NKAIN2: variants seen among roughly 807,000 people sequenced by gnomAD.
The protein encoded by NKAIN2 is sodium/potassium-transporting ATPase subunit beta-1-interacting protein 2.
Under a neutral mutation model 32.6 loss-of-function variants are expected in NKAIN2, and 14 were observed. The observed-to-expected ratio is 0.43, with a 90% CI of 0.28 to 0.67. The LOEUF (loss-of-function observed/expected upper bound fraction) is 0.67, where lower values mean the gene tolerates loss of function less well. NKAIN2 is among the 30% of genes least tolerant of loss of function. The pLI is 0.17. For synonymous variants in NKAIN2, 80 were observed against 87.2 expected (o/e 0.92, Z 0.46); for missense variants, 198 against 258.3 (o/e 0.77, Z 1.60).
At chr6:124,511,491 A>C (rs1656799876) in intron 3 of NKAIN2, among the ~76,000 whole-genome samples, 2 of 151,944 alleles carry the variant, frequency 1.3e-5, no homozygotes, top group African/African-American at 4.8e-5. Flanking sequence ...CCCTTTATCG[A>C]GTTTGTCTTC....
At chr6:124,299,317 C>T (rs946142267) in intron 2 of NKAIN2, among the ~76,000 whole-genome samples, 24 of 152,182 alleles carry the variant, frequency 1.6e-4, no homozygotes, top group African/African-American at 5.5e-4. Context: ...TAGATTTATA[C>T]GAATTGCCTA....
intron 3 of NKAIN2, among the ~76,000 whole-genome samples, chr6:124,366,811 T>A (rs1325505555): frequency 6.6e-6 from 1 of 151,704 alleles, no homozygotes; most frequent in Non-Finnish European, 1.5e-5. Flanking sequence ...ACCTGTATTC[T>A]TAGCTACTCA....
chr6:124,016,560 C>T (rs942535543), intron 1 of NKAIN2, among the ~76,000 whole-genome samples: 3 of 152,074 alleles, frequency 2.0e-5, no homozygotes, highest in African/African-American at 7.2e-5. Flanking sequence ...AGTTTTCTCC[C>T]CTCAAGGAAT....
At chr6:124,591,999 G>C (rs1401092185) in intron 3 of NKAIN2, among the ~76,000 whole-genome samples, 1 of 152,152 alleles carries the variant, frequency 6.6e-6, no homozygotes, top group African/African-American at 2.4e-5. Context: ...AGTTAATAAA[G>C]AGTAAAGTTA....
rs540820578 is a variant in NKAIN2 at position 124,602,319 on chromosome 6, T to C, written c.274-55867T>C. The stretch of plus-strand genomic sequence containing the variant: ...AACTCATCTTATAGCATTTTTTACA[T>C]GAAAGTCCCATTTGTATTTTGTATT... On this transcript the variant is annotated intron_variant, in intron 3 of 6. Transcript: ENST00000368417. Among the ~76,000 whole-genome samples the C allele has an allele frequency of 1.3e-4, 20 of 152,144 alleles. No individual in the cohort carries two copies. The South Asian group carries it at 3.5e-3, about 27-fold the overall frequency.
intron 1 of NKAIN2, among the ~76,000 whole-genome samples, chr6:124,004,481 AT>A (rs536401337): frequency 6.6e-6 from 1 of 152,026 alleles, no homozygotes; most frequent in Non-Finnish European, 1.5e-5. Context: ...GGGAGAGGAA[AT>A]GAAATAACTG....
At chr6:124,448,485 T>C (rs1307549348) in intron 3 of NKAIN2, among the ~76,000 whole-genome samples, 1 of 152,160 alleles carries the variant, frequency 6.6e-6, no homozygotes, top group Non-Finnish European at 1.5e-5. Context: ...GCCCTATCTC[T>C]AGCCTCTACA....
intron 1 of NKAIN2, among the ~76,000 whole-genome samples, chr6:123,809,097 C>A (rs956525110): frequency 2.0e-5 from 3 of 152,024 alleles, no homozygotes; most frequent in Admixed American, 2.0e-4. Flanking sequence ...GTGCAGTATA[C>A]TTTTTTCATA....
At chr6:124,507,522 C>A (rs1466487114) in intron 3 of NKAIN2, among the ~76,000 whole-genome samples, 1 of 152,114 alleles carries the variant, frequency 6.6e-6, no homozygotes, top group Non-Finnish European at 1.5e-5. Flanking sequence ...GCGTATCCAT[C>A]TTTAATTGCA....
At chr6:124,725,520 C>T (rs530116760) in intron 4 of NKAIN2, among the ~76,000 whole-genome samples, 5 of 152,214 alleles carry the variant, frequency 3.3e-5, no homozygotes, top group Middle Eastern at 6.8e-3. Flanking sequence ...TTAGTTTTTC[C>T]TGTCTTCCCA....
At chr6:124,610,033 T>TACACGTG (rs1182460654) in intron 3 of NKAIN2, among the ~76,000 whole-genome samples, 5 of 152,200 alleles carry the variant, frequency 3.3e-5, no homozygotes, top group African/African-American at 9.7e-5. Flanking sequence ...ATTATTTTAT[T>TACACGTG]ATCACTCACG....
At chr6:124,466,900 G>A (rs748593708) in intron 3 of NKAIN2, among the ~76,000 whole-genome samples, 22 of 151,868 alleles carry the variant, frequency 1.4e-4, no homozygotes, top group African/African-American at 3.6e-4. Flanking sequence ...TAACTTTCTC[G>A]CTAGAAATAT....
At chr6:124,639,312 CA>C (rs1184598195) in intron 3 of NKAIN2, among the ~76,000 whole-genome samples, 1 of 152,156 alleles carries the variant, frequency 6.6e-6, no homozygotes, top group African/African-American at 2.4e-5. Flanking sequence ...GATACAGAAT[CA>C]ACCTAAATGC....
At chr6:124,733,474 C>A (rs141138620) in intron 4 of NKAIN2, among the ~76,000 whole-genome samples, 20 of 151,774 alleles carry the variant, frequency 1.3e-4, no homozygotes, top group African/African-American at 4.3e-4. Flanking sequence ...GTCTGGAAGA[C>A]TAAAGGAAAA....
intron 1 of NKAIN2, among the ~76,000 whole-genome samples, chr6:124,001,584 T>G (rs763808082): frequency 6.6e-6 from 1 of 151,846 alleles, no homozygotes; most frequent in Non-Finnish European, 1.5e-5. Context: ...AATACTCCAT[T>G]AATGTTACAA....
chr6:124,446,145 CATT>C (rs1421147544), intron 3 of NKAIN2, among the ~76,000 whole-genome samples: 1 of 152,064 alleles, frequency 6.6e-6, no homozygotes, highest in African/African-American at 2.4e-5. Context: ...ATTTTACTCT[CATT>C]ATGTTGAAAG....
chr6:124,217,518 T>G (rs2114682157), intron 1 of NKAIN2, among the ~76,000 whole-genome samples: 1 of 152,222 alleles, frequency 6.6e-6, no homozygotes, highest in African/African-American at 2.4e-5. Context: ...GGAAAATGAT[T>G]GTATTTTATG....
At chr6:124,063,530 A>G (rs1023269978) in intron 1 of NKAIN2, among the ~76,000 whole-genome samples, 3 of 151,932 alleles carry the variant, frequency 2.0e-5, no homozygotes, top group African/African-American at 7.3e-5. Flanking sequence ...TACTTACCTC[A>G]TGAATTTGTT....
intron 4 of NKAIN2, among the ~76,000 whole-genome samples, chr6:124,711,036 A>T (rs1230003359): frequency 1.4e-5 from 2 of 146,742 alleles, no homozygotes; most frequent in African/African-American, 5.1e-5. Context: ...GTGGTGACAA[A>T]ATCTCTTAGC....
Sources: allele counts gnomAD v4.1 joint callset (sites outside exome capture counted in the v4.1 genomes callset), GRCh38; gene constraint gnomAD v4.1.1; transcripts MANE v1.5; gene names NCBI Gene and HGNC (gene_info 2026-07-23, HGNC 2026-07-21).